The following PAX5 variants were observed in gnomAD, a reference collection of about 807,000 sequenced individuals.
The protein encoded by PAX5 is paired box 5, also known as paired box protein Pax-5.
PAX5 carries 9 observed loss-of-function variants against 43.7 expected under a neutral mutation model. That is an observed-to-expected ratio of 0.21 (90% CI 0.12 to 0.36). The LOEUF (loss-of-function observed/expected upper bound fraction) is 0.36. Among genes scored for constraint, PAX5 ranks in the 10% least tolerant of loss-of-function variants. PAX5 has a pLI of 1.00. For missense variants in PAX5, 383 were observed against 532.7 expected (o/e 0.72, Z 2.77); for synonymous variants, 228 against 214.3 (o/e 1.06, Z -0.56).
Position 36,853,456 on chromosome 9 carries a change from T to A in PAX5, c.1013-6527A>T, listed in dbSNP as rs531637797. Among the ~76,000 whole-genome samples, 4 of 151,930 alleles carry A rather than the reference T, an allele frequency of 2.6e-5. No homozygotes were observed. In the South Asian group the frequency reaches 6.3e-4, roughly 24 times the overall value. On this transcript the variant is annotated intron_variant, in intron 8 of 9. Transcript: ENST00000358127. Reference sequence around the variant, plus strand: ...GGGATGTAACTGAGTCATCCCTCCATGAACATAGAGCTCTGAGGTTAGCAC... The same window carrying A: ...GGGATGTAACTGAGTCATCCCTCCAAGAACATAGAGCTCTGAGGTTAGCAC...
At chr9:36,858,386 T>C (rs1823869823) in intron 8 of PAX5, among the ~76,000 whole-genome samples, 1 of 152,198 alleles carries the variant, frequency 6.6e-6, no homozygotes, top group Admixed American at 6.5e-5. Flanking sequence ...CTTCCGTCTC[T>C]ACCCATCCCT....
At chr9:37,027,929 C>A (rs1840593640) in intron 1 of PAX5, among the ~76,000 whole-genome samples, 1 of 152,250 alleles carries the variant, frequency 6.6e-6, no homozygotes, top group Admixed American at 6.5e-5. Flanking sequence ...TTGACAAACG[C>A]GCTGGACTAA....
At chr9:36,860,285 C>G (rs1367044157) in intron 8 of PAX5, among the ~76,000 whole-genome samples, 1 of 150,882 alleles carries the variant, frequency 6.6e-6, no homozygotes, top group Non-Finnish European at 1.5e-5. Flanking sequence ...TGCAGTGAGC[C>G]AAGATTGCAC....
intron 8 of PAX5, among the ~76,000 whole-genome samples, chr9:36,859,484 C>T (rs1267714538): frequency 1.3e-5 from 2 of 152,112 alleles, no homozygotes; most frequent in East Asian, 1.9e-4. Flanking sequence ...CCCTGCCAGC[C>T]TCAGGGTCTC....
intron 6 of PAX5, among the ~76,000 whole-genome samples, chr9:36,938,885 A>G (rs1049314896): frequency 4.1e-4 from 62 of 152,188 alleles, no homozygotes; most frequent in African/African-American, 1.4e-3. Flanking sequence ...CTTCAATTTT[A>G]TGGGAAGAAC....
intron 3 of PAX5, among the ~76,000 whole-genome samples, chr9:37,011,485 A>T (rs1312924044): frequency 1.3e-5 from 2 of 152,116 alleles, no homozygotes; most frequent in African/African-American, 4.8e-5. Context: ...CGGTGCTGGA[A>T]TAGAAGAAGG....
rs79544339 is a variant in PAX5 at position 36,873,669 on chromosome 9, T to G, written c.1012+8335A>C. Among the ~76,000 whole-genome samples the G allele has an allele frequency of 3.2e-3, 483 of 152,338 alleles. 6 individuals are homozygous for G. In the East Asian group the frequency reaches 0.044, roughly 14 times the overall value. On this transcript the variant is annotated intron_variant, in intron 8 of 9. Coordinates refer to ENST00000358127, the MANE Select transcript of PAX5 (RefSeq NM_016734.3). Reference sequence around the variant, plus strand: ...CTGAGCAAACGCTCCCTGAGCCTGATGCTTAGGTCACGGAGGTGCCTGGAG... The same window carrying G: ...CTGAGCAAACGCTCCCTGAGCCTGAGGCTTAGGTCACGGAGGTGCCTGGAG...
chr9:36,883,726 A>C (rs1269374529), intron 7 of PAX5, among the ~76,000 whole-genome samples: 1 of 152,148 alleles, frequency 6.6e-6, no homozygotes, highest in Non-Finnish European at 1.5e-5. Flanking sequence ...ACAATACATC[A>C]GCCAATAATT....
chr9:36,846,226 T>C (rs1822560588), intron 9 of PAX5, among the ~76,000 whole-genome samples: 1 of 152,198 alleles, frequency 6.6e-6, no homozygotes, highest in African/African-American at 2.4e-5. Flanking sequence ...CTTGATGATG[T>C]TCACAGATCA....
intron 7 of PAX5, among the ~76,000 whole-genome samples, chr9:36,899,215 C>G (rs1401136194): frequency 6.6e-6 from 1 of 152,164 alleles, no homozygotes; most frequent in Non-Finnish European, 1.5e-5. Flanking sequence ...TGTGAAAGAC[C>G]CCCCAGATGC....
chr9:36,983,808 C>T (rs765348517), intron 5 of PAX5, among the ~76,000 whole-genome samples: 41 of 152,194 alleles, frequency 2.7e-4, no homozygotes, highest in Admixed American at 5.9e-4. Context: ...ATATATGATT[C>T]CAAGGCGCCT....
chr9:36,913,926 G>A (rs1384301670), intron 7 of PAX5, among the ~76,000 whole-genome samples: 2 of 152,158 alleles, frequency 1.3e-5, no homozygotes, highest in African/African-American at 4.8e-5. Context: ...CAGCACATCC[G>A]CTAACACAGG....
In PAX5 at chr9:37,034,192, G is replaced by A. The variant is rs115816562; in HGVS notation, c.-161C>T. 8.3e-6 allele frequency: 5 copies of A among 604,316 alleles called. No homozygotes were observed. The highest frequency in any genetic ancestry group is 3.0e-5 in the Admixed American group (1 of 33,184). The allele number at this position is 604,316 out of a possible 1,614,324, so 37.4% of individuals were successfully genotyped here. On this transcript the variant is annotated 5_prime_UTR_variant, in exon 1 of 10. Coordinates refer to ENST00000358127, the MANE Select transcript of PAX5 (RefSeq NM_016734.3). ...TCCGCTCCCCCGCCGAGCTGGGGTA[G>A]CTGATCACTGAGCTGAAACTAAACG...
At chr9:37,016,169 T>C (rs921740170) in intron 2 of PAX5, among the ~76,000 whole-genome samples, 3 of 152,192 alleles carry the variant, frequency 2.0e-5, no homozygotes, top group Admixed American at 1.3e-4. Flanking sequence ...CCACCCAGCC[T>C]CTTGAACTAC....
At chr9:36,863,096 G>A (rs1587795010) in intron 8 of PAX5, among the ~76,000 whole-genome samples, 1 of 152,140 alleles carries the variant, frequency 6.6e-6, no homozygotes, top group Non-Finnish European at 1.5e-5. Flanking sequence ...GAAACAGCCT[G>A]GGGACAGCCC....
intron 6 of PAX5, among the ~76,000 whole-genome samples, chr9:36,935,901 T>C (rs1482692172): frequency 6.6e-6 from 1 of 152,226 alleles, no homozygotes; most frequent in African/African-American, 2.4e-5. Context: ...GTGCCCTCCC[T>C]GCCTGGATCC....
At position 37,002,631 on chromosome 9, in the gene PAX5, G is replaced by T; in HGVS notation, c.604+17C>A. 6.2e-7 allele frequency: 1 copy of T among 1,606,452 alleles called. No homozygotes were observed. Among genetic ancestry groups the T allele is most frequent in the Non-Finnish European group, 8.5e-7 (1 of 1,175,900 alleles). The stretch of plus-strand genomic sequence containing the variant: ...CGTGGAGCGCATCCCCGACGGGGCT[G>T]CGCGGGCCTCTCTTACCTTCGTCTC... On this transcript the variant is annotated intron_variant, in intron 5 of 9. Coordinates refer to ENST00000358127, the MANE Select transcript of PAX5 (RefSeq NM_016734.3).
intron 6 of PAX5, among the ~76,000 whole-genome samples, chr9:36,965,477 T>A (rs537863973): frequency 6.6e-6 from 1 of 152,334 alleles, no homozygotes; most frequent in East Asian, 1.9e-4. Flanking sequence ...TCATAGAAAC[T>A]GCTCAGACAC....
At chr9:36,966,761 T>G (rs1291288284) in intron 5 of PAX5, 37 bp from the exon 6 acceptor site, 1 of 1,586,116 alleles carries the variant, frequency 6.3e-7, no homozygotes, top group South Asian at 1.1e-5. Flanking sequence ...TGAGTGGAGG[T>G]TATACACGTT....
Sources: gnomAD v4.1 joint callset for allele counts (sites outside exome capture counted in the v4.1 genomes callset) on GRCh38, gnomAD v4.1.1 for gene constraint, MANE v1.5 for transcripts, NCBI Gene and HGNC (gene_info 2026-07-23, HGNC 2026-07-21) for gene names.